Variants in FAM13C observed in about 807,000 individuals in gnomAD.
The protein encoded by FAM13C is protein FAM13C.
In FAM13C, 37 loss-of-function variants were observed where a neutral mutation model predicts 73.2. The ratio of observed to expected loss-of-function variants is 0.51; its 90% CI spans 0.39 to 0.67. The LOEUF is 0.67. FAM13C is among the 30% of genes least tolerant of loss of function. The pLI is 0.00. For missense variants in FAM13C, 589 were observed against 715.6 expected (o/e 0.82, Z 2.02); for synonymous variants, 246 against 260.9 (o/e 0.94, Z 0.55).
chr10:59,302,732 G>T, intron 5 of FAM13C, 69 bp downstream of exon 5: 1 of 1,438,584 alleles, frequency 7.0e-7, no homozygotes, highest in Non-Finnish European at 9.8e-7. Flanking sequence ...TCCTAGTACT[G>T]TGAAAAAGAA....
intron 10 of FAM13C, among the ~76,000 whole-genome samples, chr10:59,259,718 C>A (rs1589365357): frequency 6.6e-6 from 1 of 152,290 alleles, no homozygotes; most frequent in Non-Finnish European, 1.5e-5. Context: ...ATAATAGATA[C>A]TTCATTAAAA....
chr10:59,348,336 C>T (rs1438031687), intron 3 of FAM13C, among the ~76,000 whole-genome samples: 1 of 152,192 alleles, frequency 6.6e-6, no homozygotes, highest in Non-Finnish European at 1.5e-5. Context: ...CCTTTACAAA[C>T]AGAACCACTC....
intron 10 of FAM13C, among the ~76,000 whole-genome samples, chr10:59,258,658 T>A (rs1261870517): frequency 6.6e-6 from 1 of 152,178 alleles, no homozygotes; most frequent in African/African-American, 2.4e-5. Context: ...CCATTTTCTG[T>A]TATATATTTT....
At chr10:59,281,592 C>T (rs1236808514) in intron 6 of FAM13C, among the ~76,000 whole-genome samples, 4 of 152,212 alleles carry the variant, frequency 2.6e-5, no homozygotes, top group South Asian at 4.1e-4. Flanking sequence ...GACTTCTGCA[C>T]ATCTCTGCCA....
At chr10:59,286,422 C>T (rs1043628510) in intron 5 of FAM13C, among the ~76,000 whole-genome samples, 5 of 150,380 alleles carry the variant, frequency 3.3e-5, no homozygotes, top group African/African-American at 4.9e-5. Context: ...CACTGAGGCA[C>T]GATAATTGCT....
chr10:59,312,450 A>G (rs1849043638), intron 4 of FAM13C, among the ~76,000 whole-genome samples: 1 of 152,108 alleles, frequency 6.6e-6, no homozygotes, highest in Non-Finnish European at 1.5e-5. Context: ...GGGATGATAT[A>G]TTAGCTTCCA....
At chr10:59,253,028 G>C (rs1457857552) in intron 11 of FAM13C, 30 bp from the exon 12 acceptor site, 2 of 1,607,274 alleles carry the variant, frequency 1.2e-6, no homozygotes, top group Admixed American at 1.7e-5. Context: ...AAGAAAGAAA[G>C]TCATGTAATG....
At position 59,260,983 on chromosome 10, in the gene FAM13C, T is replaced by G. The variant is rs1453862351; in HGVS notation, c.1236+1451A>C. Among the ~76,000 whole-genome samples, 5 of 152,172 alleles carry G rather than the reference T, an allele frequency of 3.3e-5. No individual in the cohort carries two copies. In the East Asian group the frequency reaches 7.7e-4, roughly 23 times the overall value. ...TTCAAGTGCTGAATCCTGTTCTAAC[T>G]CTACTATATCAATCCCAGCTCTTCT... On this transcript the variant is annotated intron_variant, in intron 10 of 13. Coordinates refer to ENST00000618804, the MANE Select transcript of FAM13C (RefSeq NM_198215.4).
chr10:59,272,828 T>C (rs1335375430), intron 6 of FAM13C, among the ~76,000 whole-genome samples: 1 of 152,154 alleles, frequency 6.6e-6, no homozygotes, highest in African/African-American at 2.4e-5. Context: ...AGGGGATAAG[T>C]TCCAAGACTC....
rs114531899 is a variant in FAM13C at position 59,309,649 on chromosome 10, T to C, written c.444-6785A>G. ...AGCTCCCAGTCAGGTCTCCCTTTCTTATATATGTTCTCACTGTATTCTGAT... is the reference window on the plus strand; with the variant it reads ...AGCTCCCAGTCAGGTCTCCCTTTCTCATATATGTTCTCACTGTATTCTGAT... On this transcript the variant is annotated intron_variant, in intron 4 of 13. Transcript: ENST00000618804. Among the ~76,000 whole-genome samples the C allele has an allele frequency of 4.0e-3, 615 of 152,326 alleles. 7 individuals carry two copies. Among genetic ancestry groups the C allele is most frequent in the African/African-American group, 0.014 (589 of 41,586 alleles).
At chr10:59,321,121 C>T (rs1166801290) in intron 4 of FAM13C, among the ~76,000 whole-genome samples, 1 of 152,170 alleles carries the variant, frequency 6.6e-6, no homozygotes, top group African/African-American at 2.4e-5. Flanking sequence ...ATTGTCGCTC[C>T]TCTGCCACCT....
chr10:59,269,417 TACACACACACACAC>T (rs10532470), intron 7 of FAM13C, among the ~76,000 whole-genome samples: 12 of 146,658 alleles, frequency 8.2e-5, no homozygotes, highest in East Asian at 2.0e-4. Flanking sequence ...GGCATCCGAT[TACACACACACACAC>T]ACACACACAC....
At chr10:59,287,828 A>G (rs1254854494) in intron 5 of FAM13C, among the ~76,000 whole-genome samples, 1 of 152,202 alleles carries the variant, frequency 6.6e-6, no homozygotes, top group Non-Finnish European at 1.5e-5. Flanking sequence ...TCCAAACCCC[A>G]AAGGCTGCCG....
rs57556314 is a variant in FAM13C, at chr10:59,333,008, T to TTTATTTATTTATTTAC, written c.325-8903_325-8902insGTAAATAAATAAATAA. Among the ~76,000 whole-genome samples the TTTATTTATTTATTTAC allele has an allele frequency of 4.5e-3, 683 of 151,628 alleles. 1 individual carries two copies. The highest frequency in any genetic ancestry group is 5.4e-3 in the African/African-American group (224 of 41,310). ...ACTTATTTATTTATTTATTTATTTATTCATTTATTGGTAAGAGACAAGGTC... is the reference window on the plus strand; with the variant it reads ...ACTTATTTATTTATTTATTTATTTATTTATTTATTTATTTACTCATTTATTGGTAAGAGACAAGGTC... On this transcript the variant is annotated intron_variant, in intron 3 of 13. Coordinates refer to ENST00000618804, the MANE Select transcript of FAM13C (RefSeq NM_198215.4).
intron 5 of FAM13C, among the ~76,000 whole-genome samples, chr10:59,293,367 C>T (rs981437205): frequency 1.1e-4 from 17 of 152,260 alleles, no homozygotes; most frequent in African/African-American, 3.4e-4. Context: ...TGAGCCACTG[C>T]GCCCGGCCAA....
chr10:59,314,067 C>G (rs928506088), intron 4 of FAM13C, among the ~76,000 whole-genome samples: 1 of 152,076 alleles, frequency 6.6e-6, no homozygotes, highest in Admixed American at 6.5e-5. Context: ...GTTCTAACTA[C>G]AGAGATCAAC....
At chr10:59,251,905 C>G (rs939261747) in intron 12 of FAM13C, among the ~76,000 whole-genome samples, 6 of 151,904 alleles carry the variant, frequency 3.9e-5, no homozygotes, top group African/African-American at 1.5e-4. Flanking sequence ...AAAGGACAGA[C>G]AAGAGGCAAG....
At chr10:59,326,574 T>C (rs1851170076) in intron 3 of FAM13C, among the ~76,000 whole-genome samples, 1 of 152,068 alleles carries the variant, frequency 6.6e-6, no homozygotes, top group Non-Finnish European at 1.5e-5. Context: ...AAACACCGAG[T>C]TTATTCTTCC....
chr10:59,251,433 T>C (rs941377919), intron 13 of FAM13C, 142 bp downstream of exon 13: 4 of 739,752 alleles, frequency 5.4e-6, no homozygotes, highest in Middle Eastern at 3.9e-4. Flanking sequence ...AATGTTGCAT[T>C]GGACAAATCC....
Sources: gnomAD v4.1 joint callset for allele counts (sites outside exome capture counted in the v4.1 genomes callset) on GRCh38, gnomAD v4.1.1 for gene constraint, MANE v1.5 for transcripts, NCBI Gene and HGNC (gene_info 2026-07-23, HGNC 2026-07-21) for gene names.